Variants in YLPM1 observed in about 807,000 individuals in gnomAD.
The protein encoded by YLPM1 is YLP motif containing 1.
Under a neutral mutation model 230.0 loss-of-function variants are expected in YLPM1, and 99 were observed. The ratio of observed to expected loss-of-function variants is 0.43; its 90% CI spans 0.37 to 0.51. The LOEUF (loss-of-function observed/expected upper bound fraction) is 0.51. Ranked by LOEUF, YLPM1 falls within the 20% of genes least tolerant of loss-of-function variation. The pLI is 0.00. For synonymous variants in YLPM1, 984 were observed against 942.5 expected (o/e 1.04, Z -0.81); for missense variants, 2,592 against 2,707.7 (o/e 0.96, Z 0.95).
Position 74,778,940 on chromosome 14 carries a change from A to G in YLPM1, c.1110+257A>G, listed in dbSNP as rs60673957. 8.1e-4 allele frequency among the ~76,000 whole-genome samples: 124 copies of G among 152,250 alleles called. 1 individual carries two copies. In the East Asian group the frequency reaches 0.019, roughly 24 times the overall value. ...ACTGCAACTTCTGCCTCCCAGGTTC[A>G]GGCAATTCTTCTGCCTCAGCCTCCT... On this transcript the variant is annotated intron_variant, in intron 2 of 20. Coordinates refer to ENST00000325680, the MANE Select transcript of YLPM1 (RefSeq NM_019589.3).
Position 74,781,947 on chromosome 14 carries a change from C to T in YLPM1, c.1904C>T (p.Pro635Leu). 6.2e-7 allele frequency: 1 copy of T among 1,613,694 alleles called. No homozygotes were observed. The highest frequency in any genetic ancestry group is 1.3e-5 in the African/African-American group (1 of 75,010). The change falls in exon 4 of 21, where the codon CCC becomes CTC. Residue 635 changes from proline to leucine, a missense_variant. Physicochemically the swap from Pro to Leu is moderately conservative, Grantham distance 98. Coordinates refer to ENST00000325680, the MANE Select transcript of YLPM1 (RefSeq NM_019589.3). ...GCTACACCTCCTCCAGGAATACCTC[C>T]CCCTGGAGTTCCACAAGGGATACCT... Reference protein sequence around the residue: ...SSATPPPGIPPPGVPQGIPPQ... With the variant: ...SSATPPPGIPLPGVPQGIPPQ...
At position 74,781,505 on chromosome 14, in the gene YLPM1, C is replaced by T; in HGVS notation, c.1462C>T (p.His488Tyr). 1 of 1,613,880 alleles carries T rather than the reference C, an allele frequency of 6.2e-7. No homozygotes were observed. Among genetic ancestry groups the T allele is most frequent in the Non-Finnish European group, 8.5e-7 (1 of 1,179,858 alleles). Residue 488 changes from histidine to tyrosine, a missense_variant, in exon 4 of 21, where the codon CAT becomes TAT. His to Tyr is a moderately conservative substitution (Grantham distance 83, BLOSUM62 2). This residue lies in a region of YLPM1 where 1,862 missense variants were observed against 1,819.8 expected (regional missense o/e 1.02). Transcript: ENST00000325680. ...GAAGCAGTGGAAAACATGGCAGGGA[C>T]ATATGAAAGCCACTCAGAGCTATCT... Reference protein sequence around the residue: ...YEKQWKTWQGHMKATQSYLQE... With the variant: ...YEKQWKTWQGYMKATQSYLQE...
Position 74,797,737 on chromosome 14 carries a change from C to T in YLPM1, c.2440C>T (p.Arg814Trp), listed in dbSNP as rs772933237. ...TAAAAGCAAGTGGGGAATGATTCCC[C>T]GGGGGCCAGCATCTCAATTTTATAT... ...GTKSKWGMIP[R>W]GPASQFYITP... is the part of the protein sequence containing the mutation. Residue 814 changes from arginine to tryptophan, a missense_variant, in exon 5 of 21, where the codon CGG becomes TGG. Physicochemically the swap from Arg to Trp is moderately radical, Grantham distance 101. This residue lies in a region of YLPM1 where 1,862 missense variants were observed against 1,819.8 expected (regional missense o/e 1.02). Transcript: ENST00000325680. 2 of 1,613,526 alleles carry T rather than the reference C, an allele frequency of 1.2e-6. No homozygotes were observed. The highest frequency in any genetic ancestry group is 1.7e-6 in the Non-Finnish European group (2 of 1,179,642).
chr14:74,763,572 C>T lies in YLPM1; in HGVS notation c.83C>T (p.Pro28Leu), dbSNP rs764638209. The T allele has an allele frequency of 1.3e-6, 2 of 1,580,846 alleles. No individual in the cohort carries two copies. Among genetic ancestry groups the T allele is most frequent in the East Asian group, 2.4e-5 (1 of 41,956 alleles). Residue 28 changes from proline (P) to leucine (L), a missense_variant, in exon 1 of 21, where the codon CCT becomes CTT. By Grantham distance (98) the Pro-to-Leu change is moderately conservative. Transcript: ENST00000325680. Reference sequence around the variant, plus strand: ...CCACCGCCGCCGCCAGTGGCGCTTCCTGAGGCCTCGCCGGGGCCCGGGTAC... The same window carrying T: ...CCACCGCCGCCGCCAGTGGCGCTTCTTGAGGCCTCGCCGGGGCCCGGGTAC... ...PVPPPPPVAL[P>L]EASPGPGYSS...
chr14:74,798,115 G>A lies in YLPM1; in HGVS notation c.2818G>A (p.Ala940Thr), dbSNP rs780041494. 1 of 1,613,898 alleles carries A rather than the reference G, an allele frequency of 6.2e-7. No homozygotes were observed. Among genetic ancestry groups the A allele is most frequent in the East Asian group, 2.2e-5 (1 of 44,882 alleles). Residue 940 changes from alanine (A) to threonine (T), a missense_variant, in exon 5 of 21, where the codon GCT (alanine) becomes ACT (threonine). This residue lies in a region of YLPM1 where 1,862 missense variants were observed against 1,819.8 expected (regional missense o/e 1.02). Transcript: ENST00000325680. ...SMETQIDKAQ[A>T]VTQPVPLANK... ...GGAGACTCAAATCGACAAAGCCCAA[G>A]CTGTTACTCAGCCTGTACCCCTTGC...
At chr14:74,805,963 C>T (rs2091374698) in intron 6 of YLPM1, among the ~76,000 whole-genome samples, 1 of 150,930 alleles carries the variant, frequency 6.6e-6, no homozygotes, top group Admixed American at 6.6e-5. Context: ...GCCTCAGCCT[C>T]CCAAAGTGCT....
Position 74,764,195 on chromosome 14 carries a change from T to G in YLPM1, c.706T>G (p.Ser236Ala). The G allele has an allele frequency of 6.2e-7, 1 of 1,611,944 alleles. No homozygotes were observed. The highest frequency in any genetic ancestry group is 1.1e-5 in the South Asian group (1 of 90,974). The change falls in exon 1 of 21, where the codon TCC (serine) becomes GCC (alanine). Residue 236 changes from serine to alanine, a missense_variant. Transcript: ENST00000325680. ...PSSQASPSRP[S>A]QGHSKSQLLA... is the part of the protein sequence containing the mutation. ...TTCTCAGGCATCTCCTTCCCGCCCC[T>G]CCCAGGGCCATTCTAAATCCCAACT... is the stretch of plus-strand genomic sequence containing the variant.
intron 5 of YLPM1, among the ~76,000 whole-genome samples, chr14:74,800,717 T>C (rs2091316043): frequency 6.6e-6 from 1 of 152,306 alleles, no homozygotes; most frequent in Admixed American, 6.5e-5. Flanking sequence ...GGTCTATAGC[T>C]AAGAGGTTTA....
chr14:74,834,143 G>GT (rs2091626803), intron 19 of YLPM1, among the ~76,000 whole-genome samples: 2 of 148,118 alleles, frequency 1.4e-5, no homozygotes, highest in African/African-American at 5.0e-5. Context: ...GAGTCCAGCA[G>GT]TTTGAGACCA....
intron 4 of YLPM1, among the ~76,000 whole-genome samples, chr14:74,796,217 G>A (rs1299816895): frequency 2.6e-5 from 4 of 152,126 alleles, no homozygotes; most frequent in African/African-American, 7.2e-5. Context: ...AGTGATCCTC[G>A]CTTACTTCTT....
chr14:74,811,061 AAGTG>A (rs922567046), intron 9 of YLPM1, among the ~76,000 whole-genome samples: 7 of 152,194 alleles, frequency 4.6e-5, no homozygotes, highest in African/African-American at 1.7e-4. Flanking sequence ...TTCTGAGCTC[AAGTG>A]ATCCACCTGC....
At chr14:74,765,272 G>A (rs1261720571) in intron 1 of YLPM1, among the ~76,000 whole-genome samples, 1 of 152,110 alleles carries the variant, frequency 6.6e-6, no homozygotes, top group Non-Finnish European at 1.5e-5. Context: ...CACTTTTTCA[G>A]CGATTACTAA....
At chr14:74,781,022 A>G (rs2091086971) in intron 3 of YLPM1, among the ~76,000 whole-genome samples, 1 of 152,226 alleles carries the variant, frequency 6.6e-6, no homozygotes, top group African/African-American at 2.4e-5. Context: ...CTGTATATCT[A>G]TAATAACAGA....
At chr14:74,811,483 CA>C (rs879185728) in intron 9 of YLPM1, 136 bp from the exon 10 acceptor site, 13,891 of 436,964 alleles carry the variant, frequency 0.032, 1 homozygote, top group South Asian at 0.051. Flanking sequence ...ACCCCAATCT[CA>C]AAAAAAAAAA....
At chr14:74,780,713 G>T in intron 3 of YLPM1, 129 bp downstream of exon 3, 1 of 1,430,210 alleles carries the variant, frequency 7.0e-7, no homozygotes, top group Admixed American at 2.8e-5. Flanking sequence ...CCCAAGGGGT[G>T]CCCAAGTAGT....
chr14:74,797,254 G>A (rs966087683), intron 4 of YLPM1, among the ~76,000 whole-genome samples: 1 of 149,282 alleles, frequency 6.7e-6, no homozygotes. Context: ...GCCTCCCAAA[G>A]TGCTGTGATT....
chr14:74,819,219 C>T (rs1475217199), intron 16 of YLPM1, among the ~76,000 whole-genome samples: 2 of 150,376 alleles, frequency 1.3e-5, no homozygotes, highest in African/African-American at 4.9e-5. Flanking sequence ...TATTTTTTAC[C>T]AGTTGTAGGT....
At chr14:74,827,674 T>G (rs1566767781) in intron 18 of YLPM1, 2 of 985,326 alleles carry the variant, frequency 2.0e-6, no homozygotes, top group Non-Finnish European at 2.4e-6. Context: ...CGTATTAAGT[T>G]TGGAAATCCT....
At chr14:74,796,216 C>T (rs982188391) in intron 4 of YLPM1, among the ~76,000 whole-genome samples, 4 of 152,316 alleles carry the variant, frequency 2.6e-5, no homozygotes, top group Admixed American at 6.5e-5. Context: ...GAGTGATCCT[C>T]GCTTACTTCT....
Sources: gnomAD v4.1 joint callset for allele counts (sites outside exome capture counted in the v4.1 genomes callset) on GRCh38, gnomAD v4.1.1 for gene constraint, gnomAD v4.1.1 regional missense constraint, MANE v1.5 for transcripts, NCBI Gene and HGNC (gene_info 2026-07-23, HGNC 2026-07-21) for gene names.